Variants in MAGI2 observed in about 807,000 individuals in gnomAD.
MAGI2 encodes membrane associated guanylate kinase, WW and PDZ domain containing 2.
MAGI2 carries 35 observed loss-of-function variants against 133.3 expected under a neutral mutation model. The ratio of observed to expected loss-of-function variants is 0.26; its 90% CI spans 0.20 to 0.35. The LOEUF is 0.35. Among genes scored for constraint, MAGI2 ranks in the 10% least tolerant of loss-of-function variants. The pLI is 1.00. For missense variants in MAGI2, 1,636 were observed against 1,863.4 expected (o/e 0.88, Z 2.25); for synonymous variants, 729 against 710.6 (o/e 1.03, Z -0.41).
chr7:78,114,371 AC>A (rs1282669048), intron 20 of MAGI2, among the ~76,000 whole-genome samples: 1 of 152,252 alleles, frequency 6.6e-6, no homozygotes, highest in Non-Finnish European at 1.5e-5. Flanking sequence ...GTTTTACCCA[AC>A]TTTTTCCCAC....
At chr7:78,768,727 T>C (rs1825275017) in intron 2 of MAGI2, among the ~76,000 whole-genome samples, 1 of 152,250 alleles carries the variant, frequency 6.6e-6, no homozygotes, top group Non-Finnish European at 1.5e-5. Context: ...CAAATTTCTA[T>C]AATTTGGAAA....
chr7:78,975,918 A>G (rs1804201887), intron 2 of MAGI2, among the ~76,000 whole-genome samples: 1 of 151,726 alleles, frequency 6.6e-6, no homozygotes, highest in Non-Finnish European at 1.5e-5. Flanking sequence ...GAAAACTTAC[A>G]TGAAATGAAT....
At chr7:79,211,436 G>A (rs1435522475) in intron 1 of MAGI2, among the ~76,000 whole-genome samples, 5 of 151,328 alleles carry the variant, frequency 3.3e-5, no homozygotes, top group African/African-American at 9.8e-5. Flanking sequence ...CACTATGTCC[G>A]GCTAATTATT....
intron 6 of MAGI2, among the ~76,000 whole-genome samples, chr7:78,438,301 G>A (rs189706620): frequency 6.6e-6 from 1 of 151,936 alleles, no homozygotes; most frequent in Non-Finnish European, 1.5e-5. Flanking sequence ...AGCCCATTAG[G>A]TTCCTTGAGA....
At chr7:78,161,985 C>A (rs1341497146) in intron 15 of MAGI2, among the ~76,000 whole-genome samples, 1 of 133,796 alleles carries the variant, frequency 7.5e-6, no homozygotes, top group Non-Finnish European at 1.7e-5. Flanking sequence ...ACCCTCCCTG[C>A]TGGACAAGTT....
intron 12 of MAGI2, among the ~76,000 whole-genome samples, chr7:78,192,559 AAGCAG>A (rs1235769273): frequency 6.7e-6 from 1 of 149,808 alleles, no homozygotes; most frequent in Non-Finnish European, 1.5e-5. Context: ...ACATATCCAC[AAGCAG>A]AGCGAACTGA....
chr7:78,459,771 T>G (rs1789762467), intron 6 of MAGI2, among the ~76,000 whole-genome samples: 1 of 152,258 alleles, frequency 6.6e-6, no homozygotes, highest in African/African-American at 2.4e-5. Context: ...ATTCAGTGTC[T>G]TCAAATTCCT....
intron 1 of MAGI2, among the ~76,000 whole-genome samples, chr7:79,078,661 G>T (rs1485318076): frequency 6.6e-6 from 1 of 152,132 alleles, no homozygotes; most frequent in Non-Finnish European, 1.5e-5. Flanking sequence ...ATCTAGCTAG[G>T]TCTGTGCTCC....
intron 2 of MAGI2, among the ~76,000 whole-genome samples, chr7:78,757,168 T>C (rs1251360477): frequency 6.6e-6 from 1 of 152,168 alleles, no homozygotes; most frequent in Non-Finnish European, 1.5e-5. Flanking sequence ...TGCAACCTTG[T>C]TCCTGTTAAT....
At chr7:79,218,742 A>C (rs1830222090) in intron 1 of MAGI2, among the ~76,000 whole-genome samples, 1 of 152,118 alleles carries the variant, frequency 6.6e-6, no homozygotes, top group African/African-American at 2.4e-5. Flanking sequence ...TTGTCAAAAT[A>C]AAGAGGACCC....
chr7:78,295,341 A>G (rs926940600), intron 9 of MAGI2, among the ~76,000 whole-genome samples: 1 of 152,146 alleles, frequency 6.6e-6, no homozygotes, highest in African/African-American at 2.4e-5. Context: ...GAATAAATCC[A>G]TCTCTGTGCC....
At chr7:78,790,521 C>T (rs1393466078) in intron 2 of MAGI2, among the ~76,000 whole-genome samples, 1 of 152,026 alleles carries the variant, frequency 6.6e-6, no homozygotes, top group African/African-American at 2.4e-5. Context: ...GCAAACTCTG[C>T]CTCCCAGGTT....
chr7:78,135,344 T>C, intron 16 of MAGI2, 138 bp from the exon 17 acceptor site: 1 of 731,814 alleles, frequency 1.4e-6, no homozygotes, highest in Non-Finnish European at 2.2e-6. Context: ...CACACTAATT[T>C]CTATCAAATG....
chr7:79,191,398 C>CTTTCTTTTTTTTT (rs1827645469), intron 1 of MAGI2, among the ~76,000 whole-genome samples: 1 of 45,514 alleles, frequency 2.2e-5, no homozygotes, highest in African/African-American at 8.3e-5. Flanking sequence ...TTTTCTTTTT[C>CTTTCTTTTTTTTT]TTTCTTTTTT....
At chr7:78,624,169 TA>T (rs1808064547) in intron 3 of MAGI2, among the ~76,000 whole-genome samples, 1 of 152,130 alleles carries the variant, frequency 6.6e-6, no homozygotes, top group Non-Finnish European at 1.5e-5. Flanking sequence ...TTAATGCAGT[TA>T]TTTTTTTCTT....
intron 2 of MAGI2, among the ~76,000 whole-genome samples, chr7:78,867,395 A>C (rs968309350): frequency 1.3e-5 from 2 of 151,296 alleles, no homozygotes; most frequent in South Asian, 4.2e-4. Flanking sequence ...TTGTAGGGAC[A>C]TGGATGAAAT....
intron 9 of MAGI2, among the ~76,000 whole-genome samples, chr7:78,286,613 T>G (rs544472081): frequency 1.3e-5 from 2 of 152,022 alleles, no homozygotes; most frequent in African/African-American, 4.8e-5. Flanking sequence ...AACTTGGAGA[T>G]GAGGACAATC....
At chr7:79,331,412 T>C (rs1840062493) in intron 1 of MAGI2, among the ~76,000 whole-genome samples, 1 of 152,180 alleles carries the variant, frequency 6.6e-6, no homozygotes, top group South Asian at 2.1e-4. Context: ...AAAACATTTG[T>C]ACATATCACA....
intron 9 of MAGI2, among the ~76,000 whole-genome samples, chr7:78,282,029 C>T (rs1469764687): frequency 6.5e-5 from 5 of 76,888 alleles, no homozygotes; most frequent in African/African-American, 4.0e-4. Flanking sequence ...GTTTCTAATA[C>T]CATTGAATTG....
Sources: gnomAD v4.1 joint callset for allele counts (sites outside exome capture counted in the v4.1 genomes callset) on GRCh38, gnomAD v4.1.1 for gene constraint, MANE v1.5 for transcripts, NCBI Gene and HGNC (gene_info 2026-07-23, HGNC 2026-07-21) for gene names.